DHX35: variants seen among roughly 807,000 people sequenced by gnomAD.
DHX35 encodes DEAH-box helicase 35, also known as probable ATP-dependent RNA helicase DHX35.
A neutral mutation model predicts 99.6 loss-of-function variants in DHX35; 84 were observed. That is an observed-to-expected ratio of 0.84 (90% CI 0.71 to 1.01). The LOEUF (loss-of-function observed/expected upper bound fraction) is 1.01, where lower values mean the gene tolerates loss of function less well. DHX35 is among the 50% of genes least tolerant of loss of function. DHX35 has a pLI of 0.00. For synonymous variants in DHX35, 331 were observed against 316.2 expected, an observed-to-expected ratio of 1.05 and a Z score of -0.50; for missense variants, 852 against 888.5, an observed-to-expected ratio of 0.96 and a Z score of 0.52.
At chr20:38,968,993 A>C in intron 1 of DHX35, 88 bp from the exon 2 acceptor site, 1 of 1,381,446 alleles carries the variant, frequency 7.2e-7, no homozygotes. Flanking sequence ...CTTCTTCTGT[A>C]TATCTTCATC....
chr20:39,001,002 A>G (rs1251246048), intron 8 of DHX35, among the ~76,000 whole-genome samples: 2 of 152,104 alleles, frequency 1.3e-5, no homozygotes, highest in Non-Finnish European at 2.9e-5. Context: ...TCCTTCCCCC[A>G]TCATTGGCTG....
chr20:38,990,086 C>T (rs910131580), intron 5 of DHX35, among the ~76,000 whole-genome samples: 2 of 152,116 alleles, frequency 1.3e-5, no homozygotes, highest in South Asian at 2.1e-4. Context: ...TTTTCTGTAC[C>T]ATCAAATATA....
In DHX35 at chr20:39,022,008, T is replaced by G. The variant is rs201289768; in HGVS notation, c.1593+73T>G. The stretch of plus-strand genomic sequence containing the variant: ...TGAGCTTTCGTTGTCAAAACTGTAC[T>G]CAGGAACTGCTGAAGACAGAGCTGT... On this transcript the variant is annotated intron_variant, in intron 16 of 21. Coordinates refer to ENST00000252011, the MANE Select transcript of DHX35 (RefSeq NM_021931.4). 1.1e-4 allele frequency: 153 copies of G among 1,433,438 alleles called. No homozygotes were observed. In the East Asian group the frequency reaches 3.5e-3, roughly 33 times the overall value. 88.8% of individuals were successfully genotyped at this position (1,433,438 alleles called of 1,614,324 possible). A position where few individuals can be genotyped will look rare whatever the true frequency, so the allele number is the denominator to read the frequency against.
In DHX35 at chr20:39,034,271, C is replaced by T. The variant is rs761785770; in HGVS notation, c.2021C>T (p.Ser674Leu). 33 of 1,614,060 alleles carry T rather than the reference C, an allele frequency of 2.0e-5. No individual in the cohort carries two copies. The highest frequency in any genetic ancestry group is 6.7e-5 in the African/African-American group (5 of 74,928). ...ATGAGAGATGTGACTGCCATTGAATCGGCCTGGCTGTTGGAGCTGGCTCCA... is the reference window on the plus strand; with the variant it reads ...ATGAGAGATGTGACTGCCATTGAATTGGCCTGGCTGTTGGAGCTGGCTCCA... ...YYMRDVTAIE[S>L]AWLLELAPHF... The change falls in exon 21 of 22, where the codon TCG becomes TTG. Residue 674 changes from serine (S) to leucine (L), a missense_variant. Transcript: ENST00000252011.
intron 10 of DHX35, among the ~76,000 whole-genome samples, chr20:39,003,097 A>G (rs1477056018): frequency 6.6e-6 from 1 of 152,212 alleles, no homozygotes; most frequent in Non-Finnish European, 1.5e-5. Context: ...TTTTAAATGT[A>G]TTAGCTGATT....
At chr20:39,000,786 A>G (rs2086505984) in intron 8 of DHX35, among the ~76,000 whole-genome samples, 1 of 152,116 alleles carries the variant, frequency 6.6e-6, no homozygotes, top group Non-Finnish European at 1.5e-5. Flanking sequence ...GGAAATGAGT[A>G]GAGGTGGGGA....
chr20:38,971,698 G>A (rs1350003573), intron 2 of DHX35, among the ~76,000 whole-genome samples: 1 of 152,122 alleles, frequency 6.6e-6, no homozygotes, highest in Non-Finnish European at 1.5e-5. Context: ...TTTGCCCTAA[G>A]AAGAATGCAG....
intron 10 of DHX35, 23 bp downstream of exon 10, chr20:39,002,891 A>T (rs764656956): frequency 8.2e-6 from 13 of 1,583,586 alleles, no homozygotes; most frequent in Non-Finnish European, 1.1e-5. Flanking sequence ...TACTTCTCTG[A>T]TGAATAGACA....
chr20:39,020,055 A>C (rs1453331657), intron 15 of DHX35, among the ~76,000 whole-genome samples: 2 of 152,180 alleles, frequency 1.3e-5, no homozygotes, highest in African/African-American at 4.8e-5. Context: ...TGCTGTCATG[A>C]ATGACAGTGT....
chr20:39,011,694 A>G (rs772473718), intron 13 of DHX35, among the ~76,000 whole-genome samples: 9 of 152,216 alleles, frequency 5.9e-5, no homozygotes, highest in South Asian at 2.1e-4. Context: ...GTCAGTTAAT[A>G]CATATTCTCT....
At chr20:38,986,070 T>G (rs1175860512) in intron 4 of DHX35, among the ~76,000 whole-genome samples, 1 of 152,232 alleles carries the variant, frequency 6.6e-6, no homozygotes, top group African/African-American at 2.4e-5. Context: ...TTATTTCAGT[T>G]TCCTCATTTG....
chr20:39,035,363 C>T (rs1224129942), intron 21 of DHX35, among the ~76,000 whole-genome samples: 3 of 152,274 alleles, frequency 2.0e-5, no homozygotes, highest in East Asian at 1.9e-4. Context: ...TGAGCCACCA[C>T]GCCCAGCTCC....
rs1366728555 is a variant in DHX35 at position 39,006,287 on chromosome 20, G to C, written c.1153G>C (p.Ala385Pro). ...ECLVVVPVSQ[A>P]SANQRAGRGG... is the part of the protein sequence containing the mutation. ...CTTGGTGGTGGTGCCAGTCTCCCAG[G>C]CATCAGCTAATCAGCGAGCAGGACG... The change falls in exon 12 of 22, where the codon GCA becomes CCA. Residue 385 changes from alanine to proline, a missense_variant. By Grantham distance (27) the Ala-to-Pro change is conservative. Transcript: ENST00000252011. 6.2e-7 allele frequency: 1 copy of C among 1,614,004 alleles called. No homozygotes were observed. The highest frequency in any genetic ancestry group is 1.3e-5 in the African/African-American group (1 of 74,904).
chr20:38,980,673 T>A (rs146997450), intron 3 of DHX35, among the ~76,000 whole-genome samples: 2 of 152,280 alleles, frequency 1.3e-5, no homozygotes, highest in African/African-American at 4.8e-5. Context: ...TTAACTACTT[T>A]TAGACTAATA....
intron 4 of DHX35, among the ~76,000 whole-genome samples, chr20:38,988,368 G>C (rs1380545390): frequency 6.6e-6 from 1 of 152,260 alleles, no homozygotes. Context: ...GGTGGCTCAC[G>C]CCTGTAATCC....
At chr20:38,997,367 G>A in intron 8 of DHX35, among the ~76,000 whole-genome samples, 1 of 152,008 alleles carries the variant, frequency 6.6e-6, no homozygotes. Context: ...CACCACGCCT[G>A]GCCAGATTCA....
At chr20:39,005,142 A>G (rs1334813698) in intron 11 of DHX35, among the ~76,000 whole-genome samples, 1 of 152,264 alleles carries the variant, frequency 6.6e-6, no homozygotes, top group Non-Finnish European at 1.5e-5. Flanking sequence ...GATCATTTAT[A>G]AAATAATTTT....
intron 8 of DHX35, among the ~76,000 whole-genome samples, chr20:38,999,316 T>C (rs2145889666): frequency 6.6e-6 from 1 of 152,122 alleles, no homozygotes; most frequent in Admixed American, 6.5e-5. Flanking sequence ...TCCTACCTCC[T>C]TGTTGGCTTC....
At chr20:39,003,176 T>C (rs2086551245) in intron 10 of DHX35, among the ~76,000 whole-genome samples, 1 of 133,296 alleles carries the variant, frequency 7.5e-6, no homozygotes, top group South Asian at 2.4e-4. Flanking sequence ...ATTAGGTCCA[T>C]GTCCTGCACA....
Sources: allele counts gnomAD v4.1 joint callset (sites outside exome capture counted in the v4.1 genomes callset), GRCh38; gene constraint gnomAD v4.1.1; transcripts MANE v1.5; gene names NCBI Gene and HGNC (gene_info 2026-07-23, HGNC 2026-07-21).